Variants in GAB1 observed in about 807,000 individuals in gnomAD.
GAB1 encodes GRB2 associated binding protein 1, also known as GRB2-associated-binding protein 1.
Under a neutral mutation model 66.5 loss-of-function variants are expected in GAB1, and 19 were observed. The observed-to-expected ratio is 0.29, with a 90% confidence interval of 0.20 to 0.42. GAB1 has a LOEUF of 0.42. Among genes scored for constraint, GAB1 ranks in the 10% least tolerant of loss-of-function variants. The probability of loss-of-function intolerance (pLI) is 1.00; values close to 1 mark genes in which losing one functional copy is unlikely to be tolerated. For synonymous variants in GAB1, 294 were observed against 301.4 expected, an observed-to-expected ratio of 0.98 and a Z score of 0.25; for missense variants, 732 against 858.5, an observed-to-expected ratio of 0.85 and a Z score of 1.84.
intron 1 of GAB1, among the ~76,000 whole-genome samples, chr4:143,357,043 C>T (rs1045285276): frequency 6.6e-6 from 1 of 152,058 alleles, no homozygotes; most frequent in African/African-American, 2.4e-5. Context: ...GTAATCTATC[C>T]TGGGTGGGTT....
chr4:143,349,201 A>G (rs192260364), intron 1 of GAB1: 69 of 534,046 alleles, frequency 1.3e-4, no homozygotes, highest in African/African-American at 9.4e-4. Flanking sequence ...TGGAGTAGTT[A>G]TATATTATTT....
At position 143,350,921 on chromosome 4, in the gene GAB1, A is replaced by G. The variant is rs184455857; in HGVS notation, c.72+13661A>G. On this transcript the variant is annotated intron_variant, in intron 1 of 9. Transcript: ENST00000262994. Reference sequence around the variant, plus strand: ...TTTGTCCCCTCCACGGGACATTTTGAAACAGGAAAGGTTCCCTTGTCCCCC... The same window carrying G: ...TTTGTCCCCTCCACGGGACATTTTGGAACAGGAAAGGTTCCCTTGTCCCCC... 2.2e-4 allele frequency among the ~76,000 whole-genome samples: 34 copies of G among 152,232 alleles called. No homozygotes were observed. The East Asian group carries it at 6.2e-3, about 28-fold the overall frequency.
chr4:143,398,392 G>C (rs1050113698), intron 1 of GAB1, among the ~76,000 whole-genome samples: 13 of 152,046 alleles, frequency 8.6e-5, no homozygotes, highest in African/African-American at 3.1e-4. Flanking sequence ...GTTGCAGGGG[G>C]AAGTTTTATA....
chr4:143,338,256 C>T (rs1728723555), intron 1 of GAB1, among the ~76,000 whole-genome samples: 1 of 152,200 alleles, frequency 6.6e-6, no homozygotes, highest in Admixed American at 6.5e-5. Flanking sequence ...CACTTTTGTG[C>T]TGACATCTGG....
intron 1 of GAB1, chr4:143,349,912 T>C: frequency 3.3e-6 from 1 of 303,906 alleles, no homozygotes; most frequent in South Asian, 3.7e-5. Flanking sequence ...AGAGAAGAGA[T>C]AGATCTCCTC....
chr4:143,466,166 A>G lies in GAB1; in HGVS notation c.1867A>G (p.Lys623Glu). 4.3e-6 allele frequency: 7 copies of G among 1,613,912 alleles called. No individual in the cohort carries two copies. Among genetic ancestry groups the G allele is most frequent in the Non-Finnish European group, 5.9e-6 (7 of 1,179,820 alleles). ...CCCTATGATCAAGCCCAAAGGAGAC[A>G]AACAGGTGGAATACTTAGATCTCGA... ...SSPMIKPKGD[K>E]QVEYLDLDLD... Residue 623 changes from lysine to glutamate, a missense_variant, in exon 9 of 10, where the codon AAA becomes GAA. Lys to Glu is a moderately conservative substitution (Grantham distance 56). Coordinates refer to ENST00000262994, the MANE Select transcript of GAB1 (RefSeq NM_002039.4).
chr4:143,447,895 G>A (rs1455903368), intron 6 of GAB1, among the ~76,000 whole-genome samples: 1 of 152,106 alleles, frequency 6.6e-6, no homozygotes, highest in African/African-American at 2.4e-5. Flanking sequence ...TCCAATTTTT[G>A]CCCATTCAGT....
intron 1 of GAB1, among the ~76,000 whole-genome samples, chr4:143,405,945 T>C (rs1328342742): frequency 1.3e-5 from 2 of 151,762 alleles, no homozygotes; most frequent in Non-Finnish European, 2.9e-5. Flanking sequence ...TTGCAAACCA[T>C]GGGGAGAAAA....
intron 1 of GAB1, among the ~76,000 whole-genome samples, chr4:143,412,289 T>C (rs1288072139): frequency 2.6e-5 from 4 of 152,364 alleles, no homozygotes; most frequent in Admixed American, 1.3e-4. Context: ...GCATGTGTTT[T>C]GGTAAAGTTG....
intron 7 of GAB1, among the ~76,000 whole-genome samples, chr4:143,459,840 G>T (rs1460605841): frequency 1.3e-5 from 2 of 151,914 alleles, no homozygotes; most frequent in Admixed American, 6.6e-5. Flanking sequence ...AAATTTCTTG[G>T]GATTCTCAAT....
intron 6 of GAB1, among the ~76,000 whole-genome samples, chr4:143,441,794 T>C (rs1161717054): frequency 6.6e-6 from 1 of 152,220 alleles, no homozygotes; most frequent in African/African-American, 2.4e-5. Flanking sequence ...CCTCCAATGC[T>C]CCCCTTCTAT....
At chr4:143,386,377 T>A (rs889631525) in intron 1 of GAB1, among the ~76,000 whole-genome samples, 3 of 152,146 alleles carry the variant, frequency 2.0e-5, no homozygotes, top group Admixed American at 6.6e-5. Flanking sequence ...CTGAAGGCAA[T>A]TTTATATAAA....
intron 6 of GAB1, among the ~76,000 whole-genome samples, chr4:143,458,605 CTT>C (rs911570759): frequency 6.6e-6 from 1 of 151,826 alleles, no homozygotes; most frequent in African/African-American, 2.4e-5. Flanking sequence ...TCAGTCTTGA[CTT>C]TAAGAAAATG....
intron 1 of GAB1, among the ~76,000 whole-genome samples, chr4:143,363,674 T>G (rs1449695598): frequency 1.6e-4 from 25 of 152,218 alleles, no homozygotes; most frequent in Admixed American, 1.6e-3. Flanking sequence ...TCTGTGAGTA[T>G]GCCATGAGGT....
intron 1 of GAB1, among the ~76,000 whole-genome samples, chr4:143,411,961 C>T (rs1370669497): frequency 6.6e-6 from 1 of 152,162 alleles, no homozygotes; most frequent in African/African-American, 2.4e-5. Context: ...ATGGCAGGTG[C>T]TGCTTGGCTA....
rs893697971 is a variant in GAB1, at chr4:143,351,543, G to T, written c.72+14283G>T. ...GATGGGGGCGTGGCCGGCCAGGGTG[G>T]TCTTGGAAAGGTGACCTTTCGGCGG... is the stretch of plus-strand genomic sequence containing the variant. On this transcript the variant is annotated intron_variant, in intron 1 of 9. Transcript: ENST00000262994. Among the ~76,000 whole-genome samples, 7 of 152,288 alleles carry T rather than the reference G, an allele frequency of 4.6e-5. No individual in the cohort carries two copies. In the East Asian group the frequency reaches 1.4e-3, roughly 29 times the overall value.
At chr4:143,369,577 C>T (rs1730031406) in intron 1 of GAB1, among the ~76,000 whole-genome samples, 1 of 152,200 alleles carries the variant, frequency 6.6e-6, no homozygotes, top group Admixed American at 6.5e-5. Context: ...GTGGTGTTTG[C>T]TGTTTTATAA....
At chr4:143,460,321 T>G in intron 7 of GAB1, 43 bp from the exon 8 acceptor site, 1 of 1,599,106 alleles carries the variant, frequency 6.3e-7, no homozygotes, top group Non-Finnish European at 8.6e-7. Flanking sequence ...TTTTAGATAT[T>G]TTTGTCAAGG....
chr4:143,463,751 T>C (rs1735626009), intron 8 of GAB1, among the ~76,000 whole-genome samples: 1 of 152,098 alleles, frequency 6.6e-6, no homozygotes, highest in Non-Finnish European at 1.5e-5. Flanking sequence ...AAGGCTAGAA[T>C]ACAGACAGGC....
Sources: allele counts gnomAD v4.1 joint callset (sites outside exome capture counted in the v4.1 genomes callset), GRCh38; gene constraint gnomAD v4.1.1; transcripts MANE v1.5; gene names NCBI Gene and HGNC (gene_info 2026-07-23, HGNC 2026-07-21).